The following SLC36A1 variants were observed in gnomAD, a reference collection of about 807,000 sequenced individuals.
SLC36A1 encodes the protein proton-coupled amino acid transporter 1.
A neutral mutation model predicts 47.5 loss-of-function variants in SLC36A1; 30 were observed. That is an observed-to-expected ratio of 0.63 (90% confidence interval 0.47 to 0.86). The LOEUF (loss-of-function observed/expected upper bound fraction) is 0.86. Among genes scored for constraint, SLC36A1 ranks in the 40% least tolerant of loss-of-function variants. The pLI, the probability that SLC36A1 is intolerant of heterozygous loss-of-function variation, is 0.00. For synonymous variants in SLC36A1, 255 were observed against 249.7 expected (o/e 1.02, Z -0.20); for missense variants, 517 against 606.0 (o/e 0.85, Z 1.54).
the SLC36A1 span, among the ~76,000 whole-genome samples, chr5:151,537,321 G>GAA: frequency 4.4e-5 from 1 of 22,534 alleles, no homozygotes; most frequent in Non-Finnish European, 7.5e-5. Flanking sequence ...AAAAGAAAGA[G>GAA]AAAAAAAGAA....
At chr5:151,527,190 T>C in the SLC36A1 span, 3 of 1,551,710 alleles carry the variant, frequency 1.9e-6, no homozygotes, top group Admixed American at 1.9e-5. Context: ...AGAAGGGAAA[T>C]GAAGGGAGGA....
At chr5:151,417,050 T>A in the SLC36A1 span, among the ~76,000 whole-genome samples, 1 of 152,214 alleles carries the variant, frequency 6.6e-6, no homozygotes, top group South Asian at 2.1e-4. Flanking sequence ...TCCCCAACCA[T>A]GCTGAACTGT....
chr5:151,440,898 G>GTGGCCATGT (rs1290361426), intron 1 of SLC36A1, among the ~76,000 whole-genome samples: 1 of 152,220 alleles, frequency 6.6e-6, no homozygotes, highest in African/African-American at 2.4e-5. Context: ...CACACAACAT[G>GTGGCCATGT]TTAGCACATG....
the SLC36A1 span, chr5:151,366,473 A>G: frequency 0.38 from 108,760 of 285,402 alleles, 21,636 homozygotes; most frequent in East Asian, 0.43. Flanking sequence ...GTCCCCACCA[A>G]AAATCCCACA....
upstream of SLC36A1, among the ~76,000 whole-genome samples, chr5:151,434,612 A>G (rs753372815): frequency 3.9e-5 from 6 of 152,196 alleles, no homozygotes; most frequent in Non-Finnish European, 8.8e-5. Context: ...TATATCCTAC[A>G]TCTGTCATGG....
chr5:151,386,586 C>G, the SLC36A1 span, among the ~76,000 whole-genome samples: 3 of 152,256 alleles, frequency 2.0e-5, no homozygotes, highest in African/African-American at 7.2e-5. Context: ...ATCCCTCTCA[C>G]TGCATGGGTG....
At chr5:151,546,385 A>G in the SLC36A1 span, 1 of 1,432,556 alleles carries the variant, frequency 7.0e-7, no homozygotes, top group Non-Finnish European at 9.6e-7. Flanking sequence ...CTCGACAGGT[A>G]TCAGCTAGGC....
At chr5:151,392,857 G>C in the SLC36A1 span, among the ~76,000 whole-genome samples, 4 of 152,212 alleles carry the variant, frequency 2.6e-5, no homozygotes, top group African/African-American at 9.7e-5. Context: ...GCGATGTGGT[G>C]CTGAGAAGAA....
chr5:151,523,635 G>C, the SLC36A1 span, among the ~76,000 whole-genome samples: 1 of 152,220 alleles, frequency 6.6e-6, no homozygotes, highest in South Asian at 2.1e-4. Flanking sequence ...GGCAGGACGT[G>C]TGCCTGGGTC....
the SLC36A1 span, chr5:151,522,084 C>T: frequency 5.7e-4 from 901 of 1,578,820 alleles, 3 homozygotes; most frequent in African/African-American, 9.6e-3. Flanking sequence ...CACTGTCTGA[C>T]GCCTGTGGGC....
At chr5:151,483,524 G>C (rs1009795649) in intron 10 of SLC36A1, among the ~76,000 whole-genome samples, 1 of 150,034 alleles carries the variant, frequency 6.7e-6, no homozygotes, top group Non-Finnish European at 1.5e-5. Flanking sequence ...GTGTGGGGGG[G>C]GTGATTAGGG....
At chr5:151,389,709 T>G in the SLC36A1 span, among the ~76,000 whole-genome samples, 1 of 152,086 alleles carries the variant, frequency 6.6e-6, no homozygotes, top group Non-Finnish European at 1.5e-5. Flanking sequence ...GTTTCCAGCT[T>G]CATCCATGTC....
At chr5:151,422,326 G>A in the SLC36A1 span, 1 of 152,228 alleles carries the variant, frequency 6.6e-6, no homozygotes, top group Admixed American at 6.5e-5. Flanking sequence ...GAAGACAAGC[G>A]ATAAGCTGGG....
the SLC36A1 span, chr5:151,521,289 G>A: frequency 6.2e-7 from 1 of 1,608,438 alleles, no homozygotes; most frequent in South Asian, 1.1e-5. Context: ...TGCAGGAGCA[G>A]CTCCTCTGCA....
At chr5:151,503,636 A>G in the SLC36A1 span, among the ~76,000 whole-genome samples, 1 of 152,028 alleles carries the variant, frequency 6.6e-6, no homozygotes, top group Non-Finnish European at 1.5e-5. Flanking sequence ...TGCGCTGTGG[A>G]GTAGCAGCCA....
chr5:151,392,375 G>T, the SLC36A1 span, among the ~76,000 whole-genome samples: 1 of 151,916 alleles, frequency 6.6e-6, no homozygotes, highest in Non-Finnish European at 1.5e-5. Context: ...TGATTTTTTT[G>T]AAGGATTTTT....
At chr5:151,505,417 G>T in the SLC36A1 span, 1 of 929,078 alleles carries the variant, frequency 1.1e-6, no homozygotes, top group Non-Finnish European at 1.6e-6. Context: ...TGGGGGATTG[G>T]AAGAGCACAT....
At chr5:151,400,217 A>T in the SLC36A1 span, among the ~76,000 whole-genome samples, 1 of 152,036 alleles carries the variant, frequency 6.6e-6, no homozygotes, top group South Asian at 2.1e-4. Flanking sequence ...GTCCATGAGT[A>T]CCCAATGTTT....
At chr5:151,483,515 T>TG (rs200539458) in intron 10 of SLC36A1, among the ~76,000 whole-genome samples, 3 of 110,128 alleles carry the variant, frequency 2.7e-5, no homozygotes, top group Admixed American at 2.5e-4. Context: ...TCTTTGTGTG[T>TG]GTGGGGGGGG....
Sources: gnomAD v4.1 joint callset for allele counts (sites outside exome capture counted in the v4.1 genomes callset) on GRCh38, gnomAD v4.1.1 for gene constraint, MANE v1.5 for transcripts, NCBI Gene and HGNC (gene_info 2026-07-23, HGNC 2026-07-21) for gene names.